FAM222A: variants seen among roughly 807,000 people sequenced by gnomAD.
The protein encoded by FAM222A is protein FAM222A.
In FAM222A, 7 loss-of-function variants were observed where a neutral mutation model predicts 25.8. The ratio of observed to expected loss-of-function variants is 0.27; its 90% CI spans 0.15 to 0.51. The LOEUF is 0.51. Among genes scored for constraint, FAM222A ranks in the 20% least tolerant of loss-of-function variants. FAM222A has a pLI of 0.97. For synonymous variants in FAM222A, 294 were observed against 298.8 expected (o/e 0.98, Z 0.17); for missense variants, 573 against 640.5 (o/e 0.89, Z 1.14).
At chr12:109,733,164 G>A (rs1443507402) in intron 1 of FAM222A, among the ~76,000 whole-genome samples, 1 of 152,138 alleles carries the variant, frequency 6.6e-6, no homozygotes, top group African/African-American at 2.4e-5. Flanking sequence ...CTGTCCACAG[G>A]TGGCATTGAA....
intron 2 of FAM222A, among the ~76,000 whole-genome samples, chr12:109,761,336 T>G (rs1888889712): frequency 6.6e-6 from 1 of 152,168 alleles, no homozygotes; most frequent in Non-Finnish European, 1.5e-5. Context: ...GGAGCTTTGA[T>G]GCAGCTGCCA....
intron 1 of FAM222A, chr12:109,720,131 C>A: frequency 1.0e-6 from 1 of 985,432 alleles, no homozygotes; most frequent in Non-Finnish European, 1.2e-6. Flanking sequence ...TGAATACAGG[C>A]CTGGGCCAGT....
At chr12:109,744,667 C>A (rs1482583682) in intron 2 of FAM222A, 1 of 985,320 alleles carries the variant, frequency 1.0e-6, no homozygotes. Flanking sequence ...CTTGCTTTTT[C>A]ACTGGGACCT....
chr12:109,743,130 C>G (rs1467543990), intron 1 of FAM222A, among the ~76,000 whole-genome samples: 1 of 152,086 alleles, frequency 6.6e-6, no homozygotes, highest in African/African-American at 2.4e-5. Flanking sequence ...GGGTTGAGCT[C>G]ACCCTGAGAC....
chr12:109,767,322 G>A (rs1422393033), intron 2 of FAM222A, among the ~76,000 whole-genome samples: 2 of 152,078 alleles, frequency 1.3e-5, no homozygotes, highest in African/African-American at 4.8e-5. Flanking sequence ...GAGCTCAGGA[G>A]TTTAAGACTG....
chr12:109,716,194 C>G (rs1295082543), intron 1 of FAM222A, among the ~76,000 whole-genome samples: 2 of 152,202 alleles, frequency 1.3e-5, no homozygotes, highest in Admixed American at 1.3e-4. Flanking sequence ...TGGCACGCTT[C>G]CCTGCAAAGG....
intron 1 of FAM222A, among the ~76,000 whole-genome samples, chr12:109,719,931 G>A (rs1323943397): frequency 6.6e-6 from 1 of 152,168 alleles, no homozygotes; most frequent in Non-Finnish European, 1.5e-5. Context: ...GAAACCCGGT[G>A]AGAGAGAGCA....
Position 109,768,781 on chromosome 12 carries a change from T to A in FAM222A, c.852T>A (p.Asp284Glu). 6.3e-7 allele frequency: 1 copy of A among 1,579,160 alleles called. No homozygotes were observed. ...KPAGYADSGL[D>E]YLLWPQKPPP... ...CAGGGTACGCAGACAGCGGCCTGGA[T>A]TACCTGCTGTGGCCGCAGAAACCGC... Residue 284 changes from aspartate (D) to glutamate (E), a missense_variant, in exon 3 of 3, where the codon GAT (aspartate) becomes GAA (glutamate). Physicochemically the swap from Asp to Glu is conservative, Grantham distance 45. Around this residue, in one of 3 missense-constraint regions of FAM222A, gnomAD observed 412 missense variants for 407.0 expected, o/e 1.01. Transcript: ENST00000538780.
intron 1 of FAM222A, among the ~76,000 whole-genome samples, chr12:109,731,548 G>A (rs551437948): frequency 1.5e-4 from 23 of 152,280 alleles, no homozygotes; most frequent in East Asian, 3.9e-4. Flanking sequence ...CATGGCACCC[G>A]GCACACAGTT....
chr12:109,728,728 G>A (rs569778617), intron 1 of FAM222A, among the ~76,000 whole-genome samples: 13 of 152,332 alleles, frequency 8.5e-5, no homozygotes, highest in African/African-American at 2.4e-4. Context: ...CATGGTAGGC[G>A]TTCAGTGAAG....
chr12:109,742,856 T>G (rs1017566237), intron 1 of FAM222A, among the ~76,000 whole-genome samples: 1 of 152,112 alleles, frequency 6.6e-6, no homozygotes, highest in African/African-American at 2.4e-5. Context: ...GTTGTGAAAT[T>G]AGTATCTTAA....
In FAM222A at chr12:109,744,666, T is replaced by C. The variant is rs1888344385; in HGVS notation, c.82+438T>C. 3 of 985,368 alleles carry C rather than the reference T, an allele frequency of 3.0e-6. No homozygotes were observed. In the South Asian group the frequency reaches 1.4e-4, roughly 46 times the overall value. The allele number at this position is 985,368 out of a possible 1,614,324, so 61.0% of individuals were successfully genotyped here. ...TCCTTCCCTCTCTGGCCTTGCTTTT[T>C]CACTGGGACCTAGACCTGGTGACCA... On this transcript the variant is annotated intron_variant, in intron 2 of 2. Transcript: ENST00000538780.
chr12:109,726,742 CT>C (rs1325909452), intron 1 of FAM222A, among the ~76,000 whole-genome samples: 69 of 152,240 alleles, frequency 4.5e-4, no homozygotes, highest in East Asian at 1.9e-4. Flanking sequence ...TCCCGCTTCC[CT>C]AGGGGCCTGG....
At chr12:109,738,082 G>A (rs1345106096) in intron 1 of FAM222A, among the ~76,000 whole-genome samples, 1 of 152,196 alleles carries the variant, frequency 6.6e-6, no homozygotes, top group Admixed American at 6.5e-5. Context: ...GGACAGGGAT[G>A]TAGACAGAGG....
chr12:109,767,864 T>C, intron 2 of FAM222A, 148 bp from the exon 3 acceptor site: 12 of 811,282 alleles, frequency 1.5e-5, no homozygotes, highest in Non-Finnish European at 2.1e-5. Flanking sequence ...TCCCTGCACT[T>C]TACACTGAAA....
At chr12:109,755,717 A>C (rs992622262) in intron 2 of FAM222A, among the ~76,000 whole-genome samples, 2 of 152,220 alleles carry the variant, frequency 1.3e-5, no homozygotes, top group African/African-American at 4.8e-5. Flanking sequence ...CTGTCCCAAC[A>C]TTTGTTGAAG....
In FAM222A at chr12:109,744,202, C is replaced by G. The variant is rs146405681; in HGVS notation, c.56C>G (p.Pro19Arg). 8.4e-5 allele frequency: 136 copies of G among 1,613,186 alleles called. No homozygotes were observed. Among genetic ancestry groups the G allele is most frequent in the Non-Finnish European group, 1.0e-4 (123 of 1,179,990 alleles). ...QNAPGQHLAC[P>R]SKSLELRKCE... is the part of the protein sequence containing the mutation. ...GCCCCGGGCCAACACCTGGCCTGCC[C>G]GAGCAAGAGCCTGGAGCTGCGCAAG... Residue 19 changes from proline to arginine, a missense_variant, in exon 2 of 3, where the codon CCG becomes CGG. Around this residue, in one of 3 missense-constraint regions of FAM222A, gnomAD observed 112 missense variants for 154.6 expected, o/e 0.72. Transcript: ENST00000538780.
At chr12:109,764,743 A>G (rs542647342) in intron 2 of FAM222A, among the ~76,000 whole-genome samples, 12 of 152,346 alleles carry the variant, frequency 7.9e-5, no homozygotes, top group Admixed American at 7.2e-4. Context: ...TGTGCTCATT[A>G]TAGCAACTGC....
chr12:109,753,853 A>G (rs114634602), intron 2 of FAM222A, among the ~76,000 whole-genome samples: 1,638 of 152,290 alleles, frequency 0.011, 26 homozygotes, highest in African/African-American at 0.037. Context: ...TAAAATTCCA[A>G]TGAAATTAAA....
Sources: allele counts gnomAD v4.1 joint callset (sites outside exome capture counted in the v4.1 genomes callset), GRCh38; gene constraint gnomAD v4.1.1; regional missense constraint gnomAD v4.1.1; transcripts MANE v1.5; gene names NCBI Gene and HGNC (gene_info 2026-07-23, HGNC 2026-07-21).